DMD: variants seen among roughly 807,000 people sequenced by gnomAD.
DMD encodes the protein dystrophin, also known as mutant dystrophin.
Under a neutral mutation model 330.1 loss-of-function variants are expected in DMD, and 63 were observed. The ratio of observed to expected loss-of-function variants is 0.19; its 90% CI spans 0.16 to 0.24. DMD has a LOEUF of 0.24. Among genes scored for constraint, DMD ranks in the 10% least tolerant of loss-of-function variants. The pLI is 1.00. For missense variants in DMD, 3,344 were observed against 2,684.1 expected, an observed-to-expected ratio of 1.25 and a Z score of -5.43; for synonymous variants, 1,223 against 959.8, an observed-to-expected ratio of 1.27 and a Z score of -5.07.
intron 51 of DMD, among the ~76,000 whole-genome samples, chrX:31,740,878 A>G (rs754962429): frequency 1.8e-5 from 2 of 112,231 alleles, no homozygotes; most frequent in African/African-American, 6.5e-5. Context: ...ATGCTGTTTG[A>G]TAGCATTTTA....
At chrX:31,305,839 T>G (rs1005404369) in intron 62 of DMD, among the ~76,000 whole-genome samples, 2 of 112,695 alleles carry the variant, frequency 1.8e-5, no homozygotes, top group African/African-American at 6.4e-5. Flanking sequence ...AGGGCTGAAT[T>G]TCAGCAACCT....
chrX:32,791,684 CA>C (rs1331798449), intron 7 of DMD, among the ~76,000 whole-genome samples: 2 of 111,347 alleles, frequency 1.8e-5, no homozygotes, highest in Non-Finnish European at 1.9e-5. Context: ...CCTACTCAAA[CA>C]AAAAATAACA....
intron 44 of DMD, among the ~76,000 whole-genome samples, chrX:32,023,127 G>A (rs7886518): frequency 0.017 from 1,931 of 111,370 alleles, 36 homozygotes; most frequent in African/African-American, 0.059. Flanking sequence ...TACTGCGCCC[G>A]GCCAGAACTT....
In DMD at chrX:31,819,984, T is replaced by G. The variant is rs895117941; in HGVS notation, c.7300A>C (p.Ile2434Leu). 1 of 1,208,132 alleles carries G rather than the reference T, an allele frequency of 8.3e-7. No homozygotes were observed. The highest frequency in any genetic ancestry group is 1.8e-5 in the South Asian group (1 of 56,942). ...QPDLAPGLTT[I>L]GASPTQTVTL... ...GATCCAGTATACTTACAGGCTCCAA[T>G]AGTGGTCAGTCCAGGAGCTAGGTCA... Residue 2434 changes from isoleucine (I) to leucine (L), a missense_variant, in exon 50 of 79, where the codon ATT becomes CTT. Coordinates refer to ENST00000357033, the MANE Select transcript of DMD (RefSeq NM_004006.3).
intron 44 of DMD, among the ~76,000 whole-genome samples, chrX:32,035,123 C>T (rs1382116197): frequency 1.8e-5 from 2 of 111,614 alleles, no homozygotes; most frequent in Non-Finnish European, 3.8e-5. Flanking sequence ...AGAAGCACTT[C>T]ATCTTAAGAC....
At chrX:32,374,437 G>T (rs930353372) in intron 34 of DMD, among the ~76,000 whole-genome samples, 3 of 111,334 alleles carry the variant, frequency 2.7e-5, no homozygotes, top group African/African-American at 9.8e-5. Flanking sequence ...GTAGTTTCAG[G>T]GCTTACATTT....
intron 62 of DMD, among the ~76,000 whole-genome samples, chrX:31,303,220 C>G (rs1170990079): frequency 1.8e-5 from 2 of 111,491 alleles, no homozygotes; most frequent in East Asian, 5.6e-4. Flanking sequence ...AATTTAGCAT[C>G]AGAATCTCAT....
chrX:31,664,116 G>A (rs1283008781), intron 53 of DMD, among the ~76,000 whole-genome samples: 1 of 111,480 alleles, frequency 9.0e-6, no homozygotes, highest in East Asian at 2.8e-4. Flanking sequence ...GATATTACTA[G>A]AAGTAACACA....
chrX:32,694,745 C>A (rs1166977158), intron 9 of DMD, among the ~76,000 whole-genome samples: 1 of 111,841 alleles, frequency 8.9e-6, no homozygotes, highest in Non-Finnish European at 1.9e-5. Context: ...CAACCTCCAC[C>A]TCCCGGGTTC....
intron 6 of DMD, among the ~76,000 whole-genome samples, chrX:32,813,114 CAT>C (rs750388974): frequency 2.7e-5 from 3 of 111,729 alleles, no homozygotes; most frequent in Non-Finnish European, 5.6e-5. Flanking sequence ...TTATCTAAGT[CAT>C]ATAATTTATT....
intron 57 of DMD, among the ~76,000 whole-genome samples, chrX:31,485,980 G>T (rs1388699217): frequency 8.9e-6 from 1 of 112,160 alleles, no homozygotes; most frequent in African/African-American, 3.2e-5. Context: ...TTCAAGCCTG[G>T]GCTGGGCCAG....
chrX:32,081,257 A>G (rs1164288086), intron 44 of DMD, among the ~76,000 whole-genome samples: 2 of 112,275 alleles, frequency 1.8e-5, no homozygotes, highest in Non-Finnish European at 3.8e-5. Context: ...TGGCTTCTCA[A>G]CAACAGAGTG....
chrX:31,376,910 T>C (rs1024624460), intron 60 of DMD, among the ~76,000 whole-genome samples: 6 of 111,923 alleles, frequency 5.4e-5, no homozygotes, highest in African/African-American at 2.0e-4. Context: ...TGGAAAGCCC[T>C]TGCGGTTCTA....
intron 37 of DMD, among the ~76,000 whole-genome samples, chrX:32,352,994 T>C (rs2097786931): frequency 1.8e-5 from 2 of 111,218 alleles, no homozygotes; most frequent in South Asian, 7.4e-4. Context: ...GCCTTTTATT[T>C]TATACAGGAA....
intron 2 of DMD, among the ~76,000 whole-genome samples, chrX:32,893,582 C>G (rs1348460830): frequency 8.9e-6 from 1 of 111,887 alleles, no homozygotes; most frequent in East Asian, 2.8e-4. Flanking sequence ...ATTAAATTTG[C>G]TGTGATAAAC....
chrX:31,483,110 A>C (rs750340712), intron 57 of DMD, among the ~76,000 whole-genome samples: 3 of 97,386 alleles, frequency 3.1e-5, no homozygotes, highest in African/African-American at 7.7e-5. Flanking sequence ...GCAGTGGCGC[A>C]ATCTCGGCTC....
At chrX:31,586,796 C>T (rs1197910695) in intron 55 of DMD, among the ~76,000 whole-genome samples, 4 of 111,925 alleles carry the variant, frequency 3.6e-5, no homozygotes, top group Non-Finnish European at 7.5e-5. Flanking sequence ...TCTCAGGGAA[C>T]AAGACATCAA....
intron 54 of DMD, among the ~76,000 whole-genome samples, chrX:31,641,387 C>T (rs1028282734): frequency 2.5e-4 from 27 of 108,624 alleles, no homozygotes; most frequent in African/African-American, 8.4e-4. Context: ...CCTGTAATCC[C>T]AGCCACTCGG....
At chrX:32,670,734 G>C (rs887689987) in intron 9 of DMD, among the ~76,000 whole-genome samples, 9 of 112,211 alleles carry the variant, frequency 8.0e-5, no homozygotes, top group Non-Finnish European at 1.7e-4. Context: ...TGTAAACAAA[G>C]ACCTTTATTT....
Sources: allele counts gnomAD v4.1 joint callset (sites outside exome capture counted in the v4.1 genomes callset), GRCh38; gene constraint gnomAD v4.1.1; transcripts MANE v1.5; gene names NCBI Gene and HGNC (gene_info 2026-07-23, HGNC 2026-07-21).